Variants in ABCG8 observed in about 807,000 individuals in gnomAD.
The protein encoded by ABCG8 is ATP binding cassette subfamily G member 8, also known as ATP-binding cassette sub-family G member 8.
In ABCG8, 81 loss-of-function variants were observed where a neutral mutation model predicts 71.3. That is an observed-to-expected ratio of 1.14 (90% CI 0.95 to 1.37). The LOEUF (loss-of-function observed/expected upper bound fraction) is 1.37. Ranked by LOEUF, ABCG8 falls within the 40% of genes most tolerant of loss-of-function variation. The pLI is 0.00. For synonymous variants in ABCG8, 451 were observed against 354.7 expected (o/e 1.27, Z -3.05); for missense variants, 1,119 against 866.2 (o/e 1.29, Z -3.66).
chr2:43,846,072 G>A, intron 2 of ABCG8, 83 bp from the exon 3 acceptor site: 1 of 1,498,410 alleles, frequency 6.7e-7, no homozygotes, highest in Non-Finnish European at 9.3e-7. Context: ...GGGCCACCTG[G>A]GGAACGAAGA....
At chr2:43,850,054 G>T (rs1668865687) in intron 3 of ABCG8, among the ~76,000 whole-genome samples, 1 of 152,032 alleles carries the variant, frequency 6.6e-6, no homozygotes, top group South Asian at 2.1e-4. Context: ...ACAAAAATTA[G>T]CTGGGTGTGG....
chr2:43,865,996 A>G (rs900216893), intron 6 of ABCG8, among the ~76,000 whole-genome samples: 8 of 152,084 alleles, frequency 5.3e-5, no homozygotes, highest in African/African-American at 9.7e-5. Flanking sequence ...CCAAAACAGA[A>G]ATATAGATCA....
intron 3 of ABCG8, chr2:43,846,790 G>A: frequency 5.3e-6 from 1 of 186,948 alleles, no homozygotes; most frequent in Non-Finnish European, 1.1e-5. Flanking sequence ...CCAGGTTCTT[G>A]GAGTGCCTCA....
rs748508780 is a variant in ABCG8, at chr2:43,851,707, C to T, written c.446C>T (p.Ala149Val). The T allele has an allele frequency of 8.1e-6, 13 of 1,614,096 alleles. No homozygotes were observed. The highest frequency in any genetic ancestry group is 1.1e-5 in the South Asian group (1 of 91,088). ...CCTCAGCTGGTGAGGAAGTGTGTGG[C>T]CCACGTGCGCCAGCACAACCAGCTG... is the stretch of plus-strand genomic sequence containing the variant. ...SSPQLVRKCV[A>V]HVRQHNQLLP... Residue 149 changes from alanine to valine, a missense_variant, in exon 4 of 13, where the codon GCC (alanine) becomes GTC (valine). Coordinates refer to ENST00000272286, the MANE Select transcript of ABCG8 (RefSeq NM_022437.3).
At position 43,844,680 on chromosome 2, in the gene ABCG8, A is replaced by T. The variant is rs562598492; in HGVS notation, c.165+72A>T. 2.3e-3 allele frequency: 2,881 copies of T among 1,278,266 alleles called. 17 individuals are homozygous for T. Among genetic ancestry groups the T allele is most frequent in the Non-Finnish European group, 2.1e-3 (1,874 of 886,806 alleles). 79.2% of individuals were successfully genotyped at this position (1,278,266 alleles called of 1,614,324 possible). The stretch of plus-strand genomic sequence containing the variant: ...CCAGGAAATTCCCCGGGTGGAAATA[A>T]AAGGGTGGGCCCAACTTGCAGGCCC... On this transcript the variant is annotated intron_variant, in intron 2 of 12. Transcript: ENST00000272286.
At chr2:43,869,106 T>C (rs1669655565) in intron 6 of ABCG8, among the ~76,000 whole-genome samples, 1 of 151,310 alleles carries the variant, frequency 6.6e-6, no homozygotes, top group African/African-American at 2.5e-5. Flanking sequence ...GATCTCTCAC[T>C]ATCTATCTGG....
intron 6 of ABCG8, among the ~76,000 whole-genome samples, chr2:43,860,862 C>A (rs747822346): frequency 1.3e-5 from 2 of 151,304 alleles, no homozygotes; most frequent in Non-Finnish European, 3.0e-5. Context: ...CTCTAACAAT[C>A]TGGATAGAAT....
intron 11 of ABCG8, among the ~76,000 whole-genome samples, chr2:43,876,336 C>T (rs1474838379): frequency 1.3e-5 from 2 of 152,236 alleles, no homozygotes; most frequent in Admixed American, 6.5e-5. Flanking sequence ...TGGGCCAGAG[C>T]CACCATGGCC....
At chr2:43,848,896 C>T (rs1668825942) in intron 3 of ABCG8, among the ~76,000 whole-genome samples, 1 of 151,814 alleles carries the variant, frequency 6.6e-6, no homozygotes, top group Non-Finnish European at 1.5e-5. Flanking sequence ...GTGGCACGTG[C>T]CTGTAATCCC....
chr2:43,864,854 C>G (rs531843171), intron 6 of ABCG8, among the ~76,000 whole-genome samples: 5 of 152,048 alleles, frequency 3.3e-5, no homozygotes, highest in Admixed American at 2.6e-4. Flanking sequence ...ATAGAACTCT[C>G]ACTGTCTATC....
In ABCG8 at chr2:43,839,029, C is replaced by G. The variant is rs749250293; in HGVS notation, c.-25C>G. 1.6e-4 allele frequency: 251 copies of G among 1,550,156 alleles called. 1 individual carries two copies. The highest frequency in any genetic ancestry group is 2.0e-4 in the Non-Finnish European group (225 of 1,146,448). On this transcript the variant is annotated 5_prime_UTR_variant, in exon 1 of 13. Coordinates refer to ENST00000272286, the MANE Select transcript of ABCG8 (RefSeq NM_022437.3). ...CAGCTGGGTCTAAGAGAGCTGCAGC[C>G]CAGGGTCACAGACCTGTGGGCCCCA...
intron 6 of ABCG8, among the ~76,000 whole-genome samples, chr2:43,864,147 T>C (rs1214343678): frequency 1.3e-5 from 2 of 151,652 alleles, no homozygotes; most frequent in Non-Finnish European, 3.0e-5. Context: ...GAATTCTTAC[T>C]GTGTGGATAA....
At chr2:43,846,467 G>T (rs1668747017) in intron 3 of ABCG8, 156 bp downstream of exon 3, 3 of 1,122,580 alleles carry the variant, frequency 2.7e-6, no homozygotes, top group South Asian at 1.3e-5. Context: ...ACAGACCTGG[G>T]CTCAAATCCT....
In ABCG8 at chr2:43,859,008, G is replaced by A. The variant is rs146226701; in HGVS notation, c.964+6140G>A. On this transcript the variant is annotated intron_variant, in intron 6 of 12. Transcript: ENST00000272286. ...TCTGGCTATAATTCTCAAAATCTGG[G>A]TGGAACTCTCACTATCTATCTGGAT... Among the ~76,000 whole-genome samples the A allele has an allele frequency of 5.5e-3, 732 of 133,284 alleles. 7 individuals are homozygous for A. Among genetic ancestry groups the A allele is most frequent in the African/African-American group, 0.019 (670 of 34,874 alleles). 87.4% of individuals were successfully genotyped at this position (133,284 alleles called of 152,430 possible).
intron 8 of ABCG8, 114 bp from the exon 9 acceptor site, chr2:43,873,673 A>G: frequency 1.9e-6 from 2 of 1,047,346 alleles, no homozygotes; most frequent in South Asian, 2.6e-5. Context: ...GGCAGGTATT[A>G]CCATCCCCAT....
intron 3 of ABCG8, among the ~76,000 whole-genome samples, chr2:43,851,370 G>A (rs1021389107): frequency 7.2e-5 from 11 of 152,228 alleles, no homozygotes; most frequent in African/African-American, 2.7e-4. Flanking sequence ...CAGCCCCACA[G>A]GGGTGCTCAC....
At chr2:43,843,176 T>C (rs969889576) in intron 1 of ABCG8, among the ~76,000 whole-genome samples, 1 of 152,166 alleles carries the variant, frequency 6.6e-6, no homozygotes, top group African/African-American at 2.4e-5. Flanking sequence ...CTGTCTCATC[T>C]GCCAAAATCT....
chr2:43,852,260 C>A, intron 4 of ABCG8, 94 bp from the exon 5 acceptor site: 1 of 1,569,568 alleles, frequency 6.4e-7, no homozygotes, highest in Non-Finnish European at 8.7e-7. Flanking sequence ...TCAAACCCAG[C>A]CGGAGGAGCG....
rs1230330764 is a variant in ABCG8 at position 43,849,018 on chromosome 2, G to A, written c.323-2566G>A. Among the ~76,000 whole-genome samples, 52 of 89,060 alleles carry A rather than the reference G, an allele frequency of 5.8e-4. 1 individual carries two copies. The highest frequency in any genetic ancestry group is 4.9e-5 in the African/African-American group (1 of 20,500). 58.4% of individuals were successfully genotyped at this position (89,060 alleles called of 152,430 possible). Reference sequence around the variant, plus strand: ...GCCTGGGCAGCAAGAGCAAAACACTGTCTAAAAAAAAAAAAAAAAAAAAAA... The same window carrying A: ...GCCTGGGCAGCAAGAGCAAAACACTATCTAAAAAAAAAAAAAAAAAAAAAA... On this transcript the variant is annotated intron_variant, in intron 3 of 12. Coordinates refer to ENST00000272286, the MANE Select transcript of ABCG8 (RefSeq NM_022437.3).
Sources: gnomAD v4.1 joint callset for allele counts (sites outside exome capture counted in the v4.1 genomes callset) on GRCh38, gnomAD v4.1.1 for gene constraint, MANE v1.5 for transcripts, NCBI Gene and HGNC (gene_info 2026-07-23, HGNC 2026-07-21) for gene names.